The following KCNH1 variants were observed in gnomAD, a reference collection of about 807,000 sequenced individuals.
KCNH1 encodes the protein potassium voltage-gated channel subfamily H member 1, also known as voltage-gated delayed rectifier potassium channel KCNH1.
In KCNH1, 27 loss-of-function variants were observed where a neutral mutation model predicts 69.2. The ratio of observed to expected loss-of-function variants is 0.39; its 90% CI spans 0.29 to 0.54. The LOEUF is 0.54. Ranked by LOEUF, KCNH1 falls within the 20% of genes least tolerant of loss-of-function variation. The pLI, the probability that KCNH1 is intolerant of heterozygous loss-of-function variation, is 0.68. For missense variants in KCNH1, 798 were observed against 1,261.6 expected (o/e 0.63, Z 5.57); for synonymous variants, 456 against 487.7 (o/e 0.93, Z 0.86).
At chr1:210,942,872 T>C (rs1301279291) in intron 6 of KCNH1, among the ~76,000 whole-genome samples, 1 of 152,200 alleles carries the variant, frequency 6.6e-6, no homozygotes, top group Non-Finnish European at 1.5e-5. Context: ...TAGCACTTCT[T>C]TGACTATAAT....
At chr1:210,898,536 C>G (rs1484637400) in intron 7 of KCNH1, among the ~76,000 whole-genome samples, 1 of 152,102 alleles carries the variant, frequency 6.6e-6, no homozygotes, top group African/African-American at 2.4e-5. Flanking sequence ...TACTGACAGT[C>G]CAGAGAGTGA....
At chr1:211,117,397 T>C (rs1263813340) in intron 1 of KCNH1, among the ~76,000 whole-genome samples, 2 of 152,194 alleles carry the variant, frequency 1.3e-5, no homozygotes, top group African/African-American at 4.8e-5. Flanking sequence ...CTTGGTGCTG[T>C]GCCCATTGCA....
intron 6 of KCNH1, among the ~76,000 whole-genome samples, chr1:210,995,657 G>T (rs992654111): frequency 3.9e-5 from 6 of 152,178 alleles, no homozygotes; most frequent in African/African-American, 1.2e-4. Flanking sequence ...GAATATTTTT[G>T]CAGAGAAATG....
intron 7 of KCNH1, among the ~76,000 whole-genome samples, chr1:210,908,418 T>C (rs1687159498): frequency 6.6e-6 from 1 of 152,176 alleles, no homozygotes; most frequent in Non-Finnish European, 1.5e-5. Context: ...CACAGCTCAA[T>C]ATAATTAAAC....
In KCNH1 at chr1:211,028,126, CAG is replaced by C. The variant is rs1311886194; in HGVS notation, c.559-8872_559-8871del. Reference sequence around the variant, plus strand: ...TAATAAATACAACAATTAAAATCACCAGAGTGTATTCTCAGCTACAATGGAAT... The same window carrying C: ...TAATAAATACAACAATTAAAATCACCAGTGTATTCTCAGCTACAATGGAAT... On this transcript the variant is annotated intron_variant, in intron 5 of 10. Coordinates refer to ENST00000271751, the MANE Select transcript of KCNH1 (RefSeq NM_172362.3). Among the ~76,000 whole-genome samples the C allele has an allele frequency of 2.0e-5, 3 of 152,118 alleles. No homozygotes were observed. The East Asian group carries it at 5.8e-4, about 29-fold the overall frequency.
At chr1:210,860,275 T>C (rs1685949419) in intron 7 of KCNH1, 2 of 1,437,774 alleles carry the variant, frequency 1.4e-6, no homozygotes, top group Admixed American at 1.7e-5. Context: ...CTGCCACATC[T>C]GTGGAGACAC....
intron 7 of KCNH1, among the ~76,000 whole-genome samples, chr1:210,897,756 A>G (rs191826447): frequency 2.2e-4 from 33 of 152,336 alleles, no homozygotes; most frequent in Admixed American, 1.5e-3. Flanking sequence ...GTGAAAAGCA[A>G]AACCAACCTT....
intron 7 of KCNH1, among the ~76,000 whole-genome samples, chr1:210,875,402 T>C (rs763909395): frequency 2.6e-5 from 4 of 152,348 alleles, no homozygotes; most frequent in East Asian, 1.9e-4. Context: ...GTGTAGGTTA[T>C]ATATTTGTCT....
chr1:210,790,291 C>T (rs564499634), intron 9 of KCNH1, among the ~76,000 whole-genome samples: 1 of 152,302 alleles, frequency 6.6e-6, no homozygotes, highest in African/African-American at 2.4e-5. Flanking sequence ...CCCTATTGGC[C>T]ATTAAATGCA....
intron 2 of KCNH1, among the ~76,000 whole-genome samples, chr1:211,105,222 T>A (rs1260119281): frequency 1.3e-5 from 2 of 152,220 alleles, no homozygotes; most frequent in South Asian, 2.1e-4. Flanking sequence ...CAAGACTAAT[T>A]TAGCCCTGCC....
intron 5 of KCNH1, among the ~76,000 whole-genome samples, chr1:211,022,943 C>A (rs916954681): frequency 2.0e-5 from 3 of 151,644 alleles, no homozygotes; most frequent in African/African-American, 7.3e-5. Flanking sequence ...AAAACCCCAT[C>A]TCTACTAAAA....
intron 5 of KCNH1, among the ~76,000 whole-genome samples, chr1:211,082,303 C>A (rs901721343): frequency 2.0e-5 from 3 of 152,112 alleles, no homozygotes; most frequent in African/African-American, 7.2e-5. Flanking sequence ...AAATGAATTT[C>A]TTAGCATTTA....
At chr1:211,057,027 CTAAG>C (rs1271999350) in intron 5 of KCNH1, among the ~76,000 whole-genome samples, 11 of 152,192 alleles carry the variant, frequency 7.2e-5, no homozygotes, top group Non-Finnish European at 1.6e-4. Context: ...CCCAAACAAA[CTAAG>C]TAAGGCACCC....
chr1:210,684,074 T>C lies in KCNH1; in HGVS notation c.2177A>G (p.Glu726Gly). 1.3e-6 allele frequency: 2 copies of C among 1,520,698 alleles called. No individual in the cohort carries two copies. The highest frequency in any genetic ancestry group is 1.8e-6 in the Non-Finnish European group (2 of 1,134,574). The allele number at this position is 1,520,698 out of a possible 1,614,324, so 94.2% of individuals were successfully genotyped here. A position where few individuals can be genotyped will look rare whatever the true frequency, so the allele number is the denominator to read the frequency against. ...GTCCGGGGGCAAGATCAGGGGGGCC[T>C]CATTCTTTCGTTTCATGCGTTCTTC... The part of the protein sequence containing the change: ...EEEERMKRKN[E>G]APLILPPDHP... The change falls in exon 11 of 11, where the codon GAG becomes GGG. Residue 726 changes from glutamate (E) to glycine (G), a missense_variant. This residue lies in a region of KCNH1 where 331 missense variants were observed against 363.2 expected (regional missense o/e 0.91). Transcript: ENST00000271751.
rs1252988739 is a variant in KCNH1 at position 211,066,334 on chromosome 1, G to A, written c.558+16446C>T. Among the ~76,000 whole-genome samples, 8 of 152,130 alleles carry A rather than the reference G, an allele frequency of 5.3e-5. No individual in the cohort carries two copies. The East Asian group carries it at 5.8e-4, about 11-fold the overall frequency. ...TGAGTATCCTTTTTCCAAAATGCTC[G>A]GGACCAAAAATTCTGGATGTTTTTG... On this transcript the variant is annotated intron_variant, in intron 5 of 10. Coordinates refer to ENST00000271751, the MANE Select transcript of KCNH1 (RefSeq NM_172362.3).
intron 3 of KCNH1, among the ~76,000 whole-genome samples, chr1:211,093,343 C>G (rs1389608728): frequency 6.6e-6 from 1 of 152,178 alleles, no homozygotes; most frequent in Non-Finnish European, 1.5e-5. Flanking sequence ...GTCACCCAGG[C>G]TGCACGATCT....
chr1:211,097,773 G>A (rs1236975756), intron 3 of KCNH1, among the ~76,000 whole-genome samples: 1 of 152,202 alleles, frequency 6.6e-6, no homozygotes. Flanking sequence ...CAGAAATGCT[G>A]TCAGATGCCT....
At position 211,003,384 on chromosome 1, in the gene KCNH1, G is replaced by A. The variant is rs1057356583; in HGVS notation, c.1032+15399C>T. ...CATCCCTTGACCAAAATATAAATTC[G>A]TATAAAGTAACTTTCTTCACACTAT... is the stretch of plus-strand genomic sequence containing the variant. On this transcript the variant is annotated intron_variant, in intron 6 of 10. Coordinates refer to ENST00000271751, the MANE Select transcript of KCNH1 (RefSeq NM_172362.3). Among the ~76,000 whole-genome samples, 8 of 152,236 alleles carry A rather than the reference G, an allele frequency of 5.3e-5. No individual in the cohort carries two copies. The South Asian group carries it at 6.2e-4, about 12-fold the overall frequency.
intron 9 of KCNH1, among the ~76,000 whole-genome samples, chr1:210,791,669 C>G (rs1358965658): frequency 6.6e-6 from 1 of 152,170 alleles, no homozygotes; most frequent in African/African-American, 2.4e-5. Context: ...AAAAGGTACC[C>G]ACGTTACTTA....
Sources: allele counts gnomAD v4.1 joint callset (sites outside exome capture counted in the v4.1 genomes callset), GRCh38; gene constraint gnomAD v4.1.1; regional missense constraint gnomAD v4.1.1; transcripts MANE v1.5; gene names NCBI Gene and HGNC (gene_info 2026-07-23, HGNC 2026-07-21).